The following MRTFA variants were observed in gnomAD, a reference collection of about 807,000 sequenced individuals.
MRTFA encodes myocardin related transcription factor A.
MRTFA carries 20 observed loss-of-function variants against 83.5 expected under a neutral mutation model. That is an observed-to-expected ratio of 0.24 (90% CI 0.17 to 0.35). The LOEUF is 0.35. MRTFA is among the 10% of genes least tolerant of loss of function. The pLI is 1.00. For missense variants in MRTFA, 1,200 were observed against 1,224.7 expected (o/e 0.98, Z 0.30); for synonymous variants, 659 against 541.2 (o/e 1.22, Z -3.02).
intron 1 of MRTFA, among the ~76,000 whole-genome samples, chr22:40,616,335 G>T (rs1007800404): frequency 1.3e-5 from 2 of 152,140 alleles, no homozygotes; most frequent in African/African-American, 4.8e-5. Context: ...GAGAGCAAAA[G>T]GCTTGAGGGA....
chr22:40,581,564 G>C (rs980713936), intron 2 of MRTFA, among the ~76,000 whole-genome samples: 2 of 152,104 alleles, frequency 1.3e-5, no homozygotes, highest in Non-Finnish European at 2.9e-5. Context: ...GTTTGAGAAA[G>C]AGCCAACTTT....
At chr22:40,479,702 G>A (rs2054056183) in intron 3 of MRTFA, among the ~76,000 whole-genome samples, 1 of 152,082 alleles carries the variant, frequency 6.6e-6, no homozygotes. Flanking sequence ...GCTCAATGGA[G>A]CATGTCAGAT....
At chr22:40,470,998 C>A (rs557852265) in intron 3 of MRTFA, among the ~76,000 whole-genome samples, 1 of 151,788 alleles carries the variant, frequency 6.6e-6, no homozygotes, top group Non-Finnish European at 1.5e-5. Flanking sequence ...AATCAATAGT[C>A]ATAAAAGTTT....
At chr22:40,491,547 T>C (rs1326490764) in intron 3 of MRTFA, among the ~76,000 whole-genome samples, 1 of 152,228 alleles carries the variant, frequency 6.6e-6, no homozygotes, top group Non-Finnish European at 1.5e-5. Context: ...CTTTCAAGTA[T>C]TCAACAGACA....
chr22:40,500,391 A>AT (rs1189825067), intron 3 of MRTFA, among the ~76,000 whole-genome samples: 9 of 97,894 alleles, frequency 9.2e-5, no homozygotes, highest in African/African-American at 1.6e-4. Flanking sequence ...TTATATTTTT[A>AT]TTTTTTTTAA....
chr22:40,491,263 G>A (rs898764779), intron 3 of MRTFA, among the ~76,000 whole-genome samples: 1 of 152,056 alleles, frequency 6.6e-6, no homozygotes, highest in East Asian at 1.9e-4. Flanking sequence ...AATCACTTGG[G>A]CCCAGGAGGT....
intron 3 of MRTFA, chr22:40,519,662 A>C: frequency 8.3e-7 from 1 of 1,204,016 alleles, no homozygotes; most frequent in Non-Finnish European, 1.1e-6. Flanking sequence ...AATGTTCCAT[A>C]AACTTAAAAA....
intron 2 of MRTFA, among the ~76,000 whole-genome samples, chr22:40,585,636 A>T (rs1274837233): frequency 6.6e-6 from 1 of 152,244 alleles, no homozygotes; most frequent in Non-Finnish European, 1.5e-5. Context: ...ACATGACCAG[A>T]ATAACATTTT....
chr22:40,599,129 C>T lies in MRTFA; in HGVS notation c.-83-4394G>A, dbSNP rs765079195. 8.6e-5 allele frequency among the ~76,000 whole-genome samples: 13 copies of T among 151,838 alleles called. 1 individual carries two copies. Among genetic ancestry groups the T allele is most frequent in the Non-Finnish European group, 1.5e-5 (1 of 68,010 alleles). On this transcript the variant is annotated intron_variant, in intron 1 of 14. Transcript: ENST00000355630. ...CCTGGCCAACATGGAGAAACCCCAT[C>T]TCTACTAAAAATAGAAAAATTAGCT...
intron 3 of MRTFA, among the ~76,000 whole-genome samples, chr22:40,502,937 A>G (rs1195681824): frequency 1.3e-5 from 2 of 152,036 alleles, no homozygotes; most frequent in Non-Finnish European, 2.9e-5. Context: ...TTTCCTTCCT[A>G]GTGTCACAGA....
chr22:40,627,467 T>A (rs550393441), intron 1 of MRTFA, among the ~76,000 whole-genome samples: 1 of 152,156 alleles, frequency 6.6e-6, no homozygotes, highest in Non-Finnish European at 1.5e-5. Flanking sequence ...ACTATTATAG[T>A]TTTCCACCTC....
intron 3 of MRTFA, among the ~76,000 whole-genome samples, chr22:40,491,831 G>C (rs2054277057): frequency 6.6e-6 from 1 of 152,110 alleles, no homozygotes; most frequent in Non-Finnish European, 1.5e-5. Flanking sequence ...TCTATTTGTT[G>C]GGTGCTCAAC....
chr22:40,544,081 A>G (rs1347955439), intron 3 of MRTFA, among the ~76,000 whole-genome samples: 1 of 152,204 alleles, frequency 6.6e-6, no homozygotes, highest in Non-Finnish European at 1.5e-5. Context: ...GGGAAAGAAG[A>G]GTATTTTCAA....
chr22:40,446,441 G>A (rs1055218459), intron 4 of MRTFA, among the ~76,000 whole-genome samples: 4 of 152,154 alleles, frequency 2.6e-5, no homozygotes, highest in Non-Finnish European at 5.9e-5. Flanking sequence ...GGGAAGTGGG[G>A]GAGAAACTGT....
At chr22:40,507,979 A>T in intron 3 of MRTFA, among the ~76,000 whole-genome samples, 1 of 149,596 alleles carries the variant, frequency 6.7e-6, no homozygotes, top group Admixed American at 6.6e-5. Context: ...CCTCAAAAAA[A>T]AAAAAAAAAA....
At chr22:40,544,727 A>G (rs151077701) in intron 3 of MRTFA, among the ~76,000 whole-genome samples, 113 of 152,254 alleles carry the variant, frequency 7.4e-4, no homozygotes, top group African/African-American at 2.6e-3. Flanking sequence ...AAAAGAGGAA[A>G]TACAGGCCAG....
intron 14 of MRTFA, among the ~76,000 whole-genome samples, chr22:40,413,181 GCACAGTGGCTCA>G (rs962540539): frequency 1.5e-4 from 23 of 150,206 alleles, no homozygotes; most frequent in African/African-American, 5.4e-4. Flanking sequence ...GATGGGTTGG[GCACAGTGGCTCA>G]CACCTGTCAT....
Position 40,519,446 on chromosome 22 carries a change from TG to T in MRTFA, c.241+32659del. The T allele has an allele frequency of 2.2e-6, 3 of 1,335,226 alleles. No individual in the cohort carries two copies. The African/African-American group carries it at 4.5e-5, about 20-fold the overall frequency. 82.7% of individuals were successfully genotyped at this position (1,335,226 alleles called of 1,614,324 possible). A position where few individuals can be genotyped will look rare whatever the true frequency, so the allele number is the denominator to read the frequency against. ...CAGGGTTGAGAGATGAAGGCGATGT[TG>T]TTTTAGCGTTACCTACCAGTGCTGC... is the stretch of plus-strand genomic sequence containing the variant. On this transcript the variant is annotated intron_variant, in intron 3 of 14. Coordinates refer to ENST00000355630, the MANE Select transcript of MRTFA (RefSeq NM_020831.6).
In MRTFA at chr22:40,429,871, C is replaced by T. The variant is rs910088558; in HGVS notation, c.440-104G>A. 22 of 1,203,928 alleles carry T rather than the reference C, an allele frequency of 1.8e-5. No homozygotes were observed. The African/African-American group carries it at 2.9e-4, about 16-fold the overall frequency. 74.6% of individuals were successfully genotyped at this position (1,203,928 alleles called of 1,614,324 possible). ...CCTTCCTCCTGGGCAAGAGGAGTGA[C>T]TGTCAGAACGGTAAGCATATTCCAA... On this transcript the variant is annotated intron_variant, in intron 6 of 14. Coordinates refer to ENST00000355630, the MANE Select transcript of MRTFA (RefSeq NM_020831.6).
Sources: gnomAD v4.1 joint callset for allele counts (sites outside exome capture counted in the v4.1 genomes callset) on GRCh38, gnomAD v4.1.1 for gene constraint, MANE v1.5 for transcripts, NCBI Gene and HGNC (gene_info 2026-07-23, HGNC 2026-07-21) for gene names.